Variants in BICC1 observed in about 807,000 individuals in gnomAD.
The protein encoded by BICC1 is BicC family RNA binding protein 1, also known as protein bicaudal C homolog 1.
Under a neutral mutation model 111.0 loss-of-function variants are expected in BICC1, and 43 were observed. That is an observed-to-expected ratio of 0.39 (90% CI 0.30 to 0.50). BICC1 has a LOEUF of 0.50. BICC1 is among the 20% of genes least tolerant of loss of function. The pLI is 0.88. For missense variants in BICC1, 1,091 were observed against 1,203.2 expected (o/e 0.91, Z 1.38); for synonymous variants, 467 against 434.4 (o/e 1.07, Z -0.93).
At chr10:58,823,651 A>G in intron 20 of BICC1, 2 of 985,242 alleles carry the variant, frequency 2.0e-6, no homozygotes, top group South Asian at 9.4e-5. Flanking sequence ...ATATATGCTA[A>G]AGGAGAATGT....
intron 2 of BICC1, among the ~76,000 whole-genome samples, chr10:58,683,407 AT>A: frequency 6.6e-6 from 1 of 151,880 alleles, no homozygotes; most frequent in South Asian, 2.1e-4. Context: ...TAGTTTTGCA[AT>A]TCTGTGAAGA....
At chr10:58,806,375 G>A (rs1843708323) in intron 15 of BICC1, among the ~76,000 whole-genome samples, 1 of 151,964 alleles carries the variant, frequency 6.6e-6, no homozygotes, top group South Asian at 2.1e-4. Context: ...GTCAGAAGTG[G>A]TGATTTATTA....
chr10:58,598,752 T>C lies in BICC1; in HGVS notation c.191-22103T>C, dbSNP rs562233805. ...AGAATGGGAGAAAATTTTTACACTC[T>C]ATGCATTGACAAAGGGCTAATACTC... is the stretch of plus-strand genomic sequence containing the variant. On this transcript the variant is annotated intron_variant, in intron 1 of 20. Transcript: ENST00000373886. 9.9e-5 allele frequency among the ~76,000 whole-genome samples: 15 copies of C among 152,218 alleles called. No individual in the cohort carries two copies. The South Asian group carries it at 3.1e-3, about 32-fold the overall frequency.
chr10:58,808,966 C>T (rs950192693), intron 17 of BICC1, among the ~76,000 whole-genome samples: 4 of 151,964 alleles, frequency 2.6e-5, no homozygotes, highest in Non-Finnish European at 4.4e-5. Flanking sequence ...CTGCCCACCT[C>T]GACCTCCCAA....
At chr10:58,521,420 T>C (rs1207436807) in intron 1 of BICC1, among the ~76,000 whole-genome samples, 5 of 152,146 alleles carry the variant, frequency 3.3e-5, no homozygotes, top group Middle Eastern at 3.2e-3. Flanking sequence ...TAAAAGCCTT[T>C]TATGCATTTT....
intron 1 of BICC1, among the ~76,000 whole-genome samples, chr10:58,520,979 T>A (rs1842372206): frequency 6.6e-6 from 1 of 152,122 alleles, no homozygotes; most frequent in South Asian, 2.1e-4. Flanking sequence ...GGCCCTACCC[T>A]TCTGTGACTT....
chr10:58,586,618 C>CA lies in BICC1; in HGVS notation c.191-34223dup, dbSNP rs5785327. On this transcript the variant is annotated intron_variant, in intron 1 of 20. Coordinates refer to ENST00000373886, the MANE Select transcript of BICC1 (RefSeq NM_001080512.3). ...CAACAGAGAGAGACTCACTCTCTCT[C>CA]AAAAAAAAAAAAAACAAAAAAAAAC... is the stretch of plus-strand genomic sequence containing the variant. 7.4e-4 allele frequency among the ~76,000 whole-genome samples: 99 copies of CA among 133,526 alleles called. No homozygotes were observed. The Middle Eastern group carries it at 0.012, about 17-fold the overall frequency. The allele number at this position is 133,526 out of a possible 152,430, so 87.6% of individuals were successfully genotyped here.
At chr10:58,665,837 A>G (rs546533296) in intron 2 of BICC1, among the ~76,000 whole-genome samples, 3 of 152,252 alleles carry the variant, frequency 2.0e-5, no homozygotes, top group South Asian at 4.1e-4. Flanking sequence ...TTTCTTTGTT[A>G]TCATTTCTGA....
intron 1 of BICC1, among the ~76,000 whole-genome samples, chr10:58,551,338 C>G (rs2131915241): frequency 6.6e-6 from 1 of 152,136 alleles, no homozygotes; most frequent in South Asian, 2.1e-4. Flanking sequence ...AGCTGCAAAA[C>G]TTTTATTATT....
At chr10:58,776,426 A>G (rs1055203362) in intron 3 of BICC1, among the ~76,000 whole-genome samples, 18 of 152,160 alleles carry the variant, frequency 1.2e-4, no homozygotes, top group Non-Finnish European at 2.4e-4. Context: ...TTCCTGGGAG[A>G]GAGAAGGCAA....
At chr10:58,551,909 T>C (rs1843305137) in intron 1 of BICC1, among the ~76,000 whole-genome samples, 2 of 152,126 alleles carry the variant, frequency 1.3e-5, no homozygotes, top group African/African-American at 4.8e-5. Context: ...TGCAAGTTAA[T>C]TTTAGAAATT....
chr10:58,622,374 T>C (rs1339266687), intron 2 of BICC1, among the ~76,000 whole-genome samples: 2 of 152,214 alleles, frequency 1.3e-5, no homozygotes, highest in African/African-American at 4.8e-5. Flanking sequence ...AGTCAAAATA[T>C]GGTGTATATG....
chr10:58,545,631 A>G (rs1843116921), intron 1 of BICC1, among the ~76,000 whole-genome samples: 1 of 152,200 alleles, frequency 6.6e-6, no homozygotes, highest in African/African-American at 2.4e-5. Context: ...TTAGAAACAG[A>G]TGCCTTCAAA....
intron 2 of BICC1, among the ~76,000 whole-genome samples, chr10:58,676,650 G>A (rs1391267720): frequency 6.6e-6 from 1 of 152,218 alleles, no homozygotes; most frequent in East Asian, 1.9e-4. Flanking sequence ...CTGCCTGCTG[G>A]CTCTGAAGAG....
intron 3 of BICC1, among the ~76,000 whole-genome samples, chr10:58,747,638 T>C (rs1239873726): frequency 6.6e-6 from 1 of 152,168 alleles, no homozygotes; most frequent in Admixed American, 6.6e-5. Flanking sequence ...ACTCTTTCAG[T>C]TATTTTAAAA....
At chr10:58,527,256 A>G (rs1329856805) in intron 1 of BICC1, among the ~76,000 whole-genome samples, 72 of 152,108 alleles carry the variant, frequency 4.7e-4, no homozygotes, top group African/African-American at 1.7e-3. Flanking sequence ...TGCTTGGCCC[A>G]CTTTTTGATG....
In BICC1 at chr10:58,679,347, AG is replaced by A. The variant is rs371303750; in HGVS notation, c.238-22723del. Among the ~76,000 whole-genome samples the A allele has an allele frequency of 1.2e-3, 181 of 152,348 alleles. 1 individual carries two copies. Among genetic ancestry groups the A allele is most frequent in the African/African-American group, 4.1e-3 (170 of 41,596 alleles). On this transcript the variant is annotated intron_variant, in intron 2 of 20. Coordinates refer to ENST00000373886, the MANE Select transcript of BICC1 (RefSeq NM_001080512.3). ...AAATAGACAAAATTAAAAAAGATAA[AG>A]GGGATCTCACTACTGATTGCACAGA...
intron 3 of BICC1, among the ~76,000 whole-genome samples, chr10:58,755,729 A>C (rs1842124989): frequency 6.6e-6 from 1 of 151,824 alleles, no homozygotes. Context: ...ACATTCTGGA[A>C]GATGAATTTC....
At chr10:58,742,957 C>G (rs1841716669) in intron 3 of BICC1, among the ~76,000 whole-genome samples, 1 of 152,278 alleles carries the variant, frequency 6.6e-6, no homozygotes, top group Admixed American at 6.5e-5. Context: ...AGAAGTGATG[C>G]AGACACCTGA....
Sources: allele counts gnomAD v4.1 joint callset (sites outside exome capture counted in the v4.1 genomes callset), GRCh38; gene constraint gnomAD v4.1.1; transcripts MANE v1.5; gene names NCBI Gene and HGNC (gene_info 2026-07-23, HGNC 2026-07-21).